Variants in PLCB1 observed in about 807,000 individuals in gnomAD.
The protein encoded by PLCB1 is 1-phosphatidylinositol 4,5-bisphosphate phosphodiesterase beta-1.
PLCB1 carries 46 observed loss-of-function variants against 161.8 expected under a neutral mutation model. The ratio of observed to expected loss-of-function variants is 0.28; its 90% CI spans 0.22 to 0.36. The LOEUF (loss-of-function observed/expected upper bound fraction) is 0.36, where lower values mean the gene tolerates loss of function less well. Ranked by LOEUF, PLCB1 falls within the 10% of genes least tolerant of loss-of-function variation. The probability of loss-of-function intolerance (pLI) is 1.00; values close to 1 mark genes in which losing one functional copy is unlikely to be tolerated. For synonymous variants in PLCB1, 517 were observed against 503.7 expected (o/e 1.03, Z -0.35); for missense variants, 1,016 against 1,472.5 (o/e 0.69, Z 5.07).
chr20:8,359,808 A>G (rs943811663), intron 2 of PLCB1, among the ~76,000 whole-genome samples: 1 of 152,230 alleles, frequency 6.6e-6, no homozygotes, highest in Admixed American at 6.5e-5. Flanking sequence ...GAAAGATTCC[A>G]AAAACATACA....
chr20:8,709,550 T>G (rs1287175880), intron 12 of PLCB1, among the ~76,000 whole-genome samples: 1 of 152,188 alleles, frequency 6.6e-6, no homozygotes, highest in Non-Finnish European at 1.5e-5. Context: ...TTTACCCTCC[T>G]TCCTATTGGG....
chr20:8,700,650 A>G (rs924717886), intron 11 of PLCB1, among the ~76,000 whole-genome samples: 1 of 152,216 alleles, frequency 6.6e-6, no homozygotes, highest in Non-Finnish European at 1.5e-5. Context: ...GGAGGTGACC[A>G]GGATGGCTAA....
intron 2 of PLCB1, among the ~76,000 whole-genome samples, chr20:8,246,958 A>T (rs1028090947): frequency 6.6e-6 from 1 of 152,020 alleles, no homozygotes; most frequent in South Asian, 2.1e-4. Context: ...GCCAGAAGAC[A>T]GGATATTATA....
chr20:8,364,380 A>G (rs960009665), intron 2 of PLCB1, among the ~76,000 whole-genome samples: 1 of 152,226 alleles, frequency 6.6e-6, no homozygotes, highest in Non-Finnish European at 1.5e-5. Flanking sequence ...GGAACCGATA[A>G]TATCCGCAGG....
chr20:8,318,644 C>T (rs1009029269), intron 2 of PLCB1, among the ~76,000 whole-genome samples: 2 of 152,024 alleles, frequency 1.3e-5, no homozygotes, highest in African/African-American at 2.4e-5. Context: ...CATTTTTATC[C>T]AAGGGCACTG....
chr20:8,499,946 GTCTT>G (rs1983335438), intron 3 of PLCB1, among the ~76,000 whole-genome samples: 1 of 152,132 alleles, frequency 6.6e-6, no homozygotes, highest in South Asian at 2.1e-4. Flanking sequence ...GGACAAGTCA[GTCTT>G]TCTACTTTTT....
At chr20:8,260,999 C>T (rs968660856) in intron 2 of PLCB1, among the ~76,000 whole-genome samples, 1 of 152,150 alleles carries the variant, frequency 6.6e-6, no homozygotes, top group Non-Finnish European at 1.5e-5. Context: ...GGCTGCCTTG[C>T]CTCAAGACCT....
At position 8,608,844 on chromosome 20, in the gene PLCB1, GA is replaced by G. The variant is rs570470817; in HGVS notation, c.247-19448del. Among the ~76,000 whole-genome samples the G allele has an allele frequency of 1.1e-4, 17 of 152,226 alleles. No individual in the cohort carries two copies. The East Asian group carries it at 2.9e-3, about 26-fold the overall frequency. On this transcript the variant is annotated intron_variant, in intron 3 of 31. Coordinates refer to ENST00000338037, the MANE Select transcript of PLCB1 (RefSeq NM_015192.4). ...TAATTATAGTTTCTTAAATTTGAAT[GA>G]ATTCACTATTTTACCATAATCAGAA...
intron 4 of PLCB1, among the ~76,000 whole-genome samples, chr20:8,638,056 C>T (rs971173258): frequency 8.5e-5 from 13 of 152,110 alleles, no homozygotes; most frequent in Admixed American, 6.5e-4. Context: ...CCACCATGCC[C>T]GGCTAATTTT....
At chr20:8,614,157 AC>A (rs1987982017) in intron 3 of PLCB1, among the ~76,000 whole-genome samples, 1 of 152,114 alleles carries the variant, frequency 6.6e-6, no homozygotes, top group African/African-American at 2.4e-5. Context: ...AAAAACAGTA[AC>A]AAGATATTCT....
chr20:8,608,299 C>T (rs1987813809), intron 3 of PLCB1, among the ~76,000 whole-genome samples: 1 of 152,094 alleles, frequency 6.6e-6, no homozygotes, highest in African/African-American at 2.4e-5. Flanking sequence ...ATATCACAGG[C>T]AAATTTAAAA....
chr20:8,539,637 T>TTTCCTTCTTTCTTTCTTTCTTTCTTTCC (rs745533342), intron 3 of PLCB1, among the ~76,000 whole-genome samples: 1 of 91,052 alleles, frequency 1.1e-5, no homozygotes, highest in Non-Finnish European at 2.1e-5. Context: ...TCTTTCTTTC[T>TTTCCTTCTTTCTTTCTTTCTTTCTTTCC]TTCTTTCTTT....
intron 3 of PLCB1, among the ~76,000 whole-genome samples, chr20:8,437,577 A>G (rs1980367334): frequency 6.6e-6 from 1 of 152,240 alleles, no homozygotes; most frequent in South Asian, 2.1e-4. Flanking sequence ...CTAGTCATCC[A>G]GTACAGTAGA....
intron 3 of PLCB1, among the ~76,000 whole-genome samples, chr20:8,427,220 T>C (rs1979823436): frequency 6.6e-6 from 1 of 152,132 alleles, no homozygotes; most frequent in Non-Finnish European, 1.5e-5. Flanking sequence ...CAGAAAAAGA[T>C]TATTATATCA....
intron 2 of PLCB1, among the ~76,000 whole-genome samples, chr20:8,198,345 G>A (rs1406182051): frequency 6.6e-6 from 1 of 152,100 alleles, no homozygotes. Context: ...CTGAGCAGTG[G>A]TTTGTAGTTC....
intron 3 of PLCB1, among the ~76,000 whole-genome samples, chr20:8,446,786 A>G (rs1980853597): frequency 6.6e-6 from 1 of 152,164 alleles, no homozygotes; most frequent in Non-Finnish European, 1.5e-5. Context: ...AGCTCTTTGT[A>G]CAGTCATCCT....
chr20:8,549,776 G>A (rs1423511582), intron 3 of PLCB1, among the ~76,000 whole-genome samples: 3 of 152,096 alleles, frequency 2.0e-5, no homozygotes, highest in Non-Finnish European at 4.4e-5. Flanking sequence ...TTGCCATGTT[G>A]CCCAGGCTGG....
chr20:8,756,332 A>G (rs1981736172), intron 23 of PLCB1, among the ~76,000 whole-genome samples: 1 of 152,212 alleles, frequency 6.6e-6, no homozygotes, highest in Admixed American at 6.5e-5. Context: ...TGAACTGCCC[A>G]AAATCACACT....
intron 31 of PLCB1, among the ~76,000 whole-genome samples, chr20:8,831,880 T>G (rs547129595): frequency 6.5e-5 from 9 of 139,084 alleles, no homozygotes; most frequent in African/African-American, 1.8e-4. Context: ...TTTTCTTTCT[T>G]TCTTTCTCTT....
Sources: allele counts gnomAD v4.1 joint callset (sites outside exome capture counted in the v4.1 genomes callset), GRCh38; gene constraint gnomAD v4.1.1; transcripts MANE v1.5; gene names NCBI Gene and HGNC (gene_info 2026-07-23, HGNC 2026-07-21).